Variants in TENM2 observed in about 807,000 individuals in gnomAD.
The protein encoded by TENM2 is teneurin-2.
In TENM2, 52 loss-of-function variants were observed where a neutral mutation model predicts 245.2. The ratio of observed to expected loss-of-function variants is 0.21; its 90% CI spans 0.17 to 0.27. TENM2 has a LOEUF of 0.27. Among genes scored for constraint, TENM2 ranks in the 10% least tolerant of loss-of-function variants. TENM2 has a pLI of 1.00. For synonymous variants in TENM2, 1,363 were observed against 1,438.9 expected (o/e 0.95, Z 1.19); for missense variants, 3,046 against 3,666.8 (o/e 0.83, Z 4.37).
exon 29 of TENM2, chr5:168,262,225 G>A (rs1335270362): frequency 1.5e-5 from 24 of 1,605,566 alleles, no homozygotes; most frequent in Non-Finnish European, 1.9e-5. Context: ...AAGAAGGGCG[G>A]GTGACCACGG....
chr5:167,992,268 A>G (rs1783721867), intron 4 of TENM2, among the ~76,000 whole-genome samples: 1 of 152,210 alleles, frequency 6.6e-6, no homozygotes. Flanking sequence ...AACTATTGAA[A>G]TTAAAAAAAA....
At chr5:168,054,534 C>T (rs965704326) in intron 6 of TENM2, among the ~76,000 whole-genome samples, 6 of 152,326 alleles carry the variant, frequency 3.9e-5, no homozygotes, top group African/African-American at 7.2e-5. Context: ...GCTGAGGTGC[C>T]TCCAGAGTTC....
At chr5:167,681,857 G>A (rs1756731548) in intron 2 of TENM2, among the ~76,000 whole-genome samples, 2 of 152,090 alleles carry the variant, frequency 1.3e-5, no homozygotes, top group South Asian at 4.2e-4. Flanking sequence ...ACTTCTAGAT[G>A]TTACTTCCAA....
At chr5:167,698,019 C>T (rs750759665) in intron 2 of TENM2, among the ~76,000 whole-genome samples, 2 of 149,442 alleles carry the variant, frequency 1.3e-5, no homozygotes, top group African/African-American at 2.5e-5. Flanking sequence ...AACAAGTGCT[C>T]GGTATTTGCC....
At chr5:168,212,452 T>C (rs1352088977) in intron 20 of TENM2, among the ~76,000 whole-genome samples, 1 of 152,206 alleles carries the variant, frequency 6.6e-6, no homozygotes, top group African/African-American at 2.4e-5. Flanking sequence ...GTGTGAGCTT[T>C]CTTAAGGAAA....
At chr5:167,087,140 C>T in the TENM2 span, among the ~76,000 whole-genome samples, 2 of 152,196 alleles carry the variant, frequency 1.3e-5, no homozygotes, top group African/African-American at 4.8e-5. Flanking sequence ...TTTCTGTGCA[C>T]CTGCCCCCAT....
chr5:167,117,509 A>T, the TENM2 span, among the ~76,000 whole-genome samples: 8 of 152,166 alleles, frequency 5.3e-5, no homozygotes, highest in South Asian at 2.1e-4. Flanking sequence ...TCTCAAAAAA[A>T]AATAATAATA....
the TENM2 span, among the ~76,000 whole-genome samples, chr5:167,162,166 C>G: frequency 6.8e-6 from 1 of 146,940 alleles, no homozygotes; most frequent in African/African-American, 2.5e-5. Flanking sequence ...AGCAAGACTC[C>G]GTCTCAAAAA....
intron 2 of TENM2, among the ~76,000 whole-genome samples, chr5:167,602,210 T>G (rs1353340341): frequency 6.6e-6 from 1 of 152,172 alleles, no homozygotes; most frequent in African/African-American, 2.4e-5. Flanking sequence ...AGACCCTACA[T>G]TCCTCAGCTG....
chr5:167,033,241 C>T, the TENM2 span, among the ~76,000 whole-genome samples: 24 of 152,164 alleles, frequency 1.6e-4, no homozygotes, highest in Non-Finnish European at 2.8e-4. Flanking sequence ...TCCCTTTATT[C>T]GTGCTATTTT....
chr5:167,023,043 A>G, the TENM2 span, among the ~76,000 whole-genome samples: 3 of 152,134 alleles, frequency 2.0e-5, no homozygotes, highest in Admixed American at 1.3e-4. Flanking sequence ...TGGTGTACTA[A>G]TATGGCCTCT....
chr5:167,596,801 A>G (rs1183217129), intron 2 of TENM2, among the ~76,000 whole-genome samples: 1 of 151,882 alleles, frequency 6.6e-6, no homozygotes, highest in East Asian at 1.9e-4. Flanking sequence ...GCCTCAAAAA[A>G]AAAAAAAAAG....
At chr5:167,056,675 T>TCTATATAA in the TENM2 span, among the ~76,000 whole-genome samples, 1 of 128,610 alleles carries the variant, frequency 7.8e-6, no homozygotes, top group Non-Finnish European at 1.6e-5. Context: ...GTGCCATATA[T>TCTATATAA]ATATTACTTC....
intron 2 of TENM2, among the ~76,000 whole-genome samples, chr5:167,782,565 G>A (rs867151719): frequency 6.6e-6 from 1 of 152,032 alleles, no homozygotes; most frequent in African/African-American, 2.4e-5. Context: ...TCAGCTCTTT[G>A]CGTCACACTG....
chr5:167,799,366 A>G (rs1765541973), intron 2 of TENM2, among the ~76,000 whole-genome samples: 1 of 152,160 alleles, frequency 6.6e-6, no homozygotes, highest in Non-Finnish European at 1.5e-5. Flanking sequence ...TCTCTGGTTG[A>G]GTGTTTTTGT....
At chr5:166,987,572 T>C in the TENM2 span, among the ~76,000 whole-genome samples, 1 of 151,932 alleles carries the variant, frequency 6.6e-6, no homozygotes, top group Non-Finnish European at 1.5e-5. Flanking sequence ...CAGACATGAT[T>C]AAGTAAAGGG....
chr5:167,646,963 A>G (rs1269570339), intron 2 of TENM2, among the ~76,000 whole-genome samples: 1 of 152,158 alleles, frequency 6.6e-6, no homozygotes, highest in African/African-American at 2.4e-5. Context: ...AAGCCATTAA[A>G]TACCCGGATA....
At position 167,755,052 on chromosome 5, in the gene TENM2, C is replaced by T. The variant is rs372289188; in HGVS notation, c.503-120934C>T. On this transcript the variant is annotated intron_variant, in intron 2 of 28. Coordinates refer to ENST00000518659, the Ensembl canonical transcript of TENM2. ...AGAGCGGCCCACTCCCAGCTTACGCCGATGGTGAGCCCACCTCTCCTGATC... is the reference window on the plus strand; with the variant it reads ...AGAGCGGCCCACTCCCAGCTTACGCTGATGGTGAGCCCACCTCTCCTGATC... 7 of 1,596,534 alleles carry T rather than the reference C, an allele frequency of 4.4e-6. No individual in the cohort carries two copies. The African/African-American group carries it at 5.3e-5, about 12-fold the overall frequency.
intron 6 of TENM2, among the ~76,000 whole-genome samples, chr5:168,048,129 T>C (rs1024226179): frequency 2.9e-4 from 43 of 147,230 alleles, no homozygotes; most frequent in African/African-American, 1.1e-3. Context: ...AAGGGGACAA[T>C]AGAAATGTTT....
Sources: gnomAD v4.1 joint callset for allele counts (sites outside exome capture counted in the v4.1 genomes callset) on GRCh38, gnomAD v4.1.1 for gene constraint, MANE v1.5 for transcripts, NCBI Gene and HGNC (gene_info 2026-07-23, HGNC 2026-07-21) for gene names.